The following CNTNAP2 variants were observed in gnomAD, a reference collection of about 807,000 sequenced individuals.
CNTNAP2 encodes the protein contactin-associated protein-like 2.
A neutral mutation model predicts 155.2 loss-of-function variants in CNTNAP2; 98 were observed. That is an observed-to-expected ratio of 0.63 (90% CI 0.54 to 0.75). CNTNAP2 has a LOEUF of 0.75. Ranked by LOEUF, CNTNAP2 falls within the 30% of genes least tolerant of loss-of-function variation. CNTNAP2 has a pLI of 0.00. For synonymous variants in CNTNAP2, 651 were observed against 631.2 expected (o/e 1.03, Z -0.47); for missense variants, 1,727 against 1,688.1 (o/e 1.02, Z -0.40).
intron 8 of CNTNAP2, among the ~76,000 whole-genome samples, chr7:147,151,340 A>G (rs1223630549): frequency 6.6e-6 from 1 of 152,192 alleles, no homozygotes; most frequent in Non-Finnish European, 1.5e-5. Context: ...AATGATAAAC[A>G]TGAGTATAAT....
chr7:147,562,511 G>C (rs987211644), intron 12 of CNTNAP2, among the ~76,000 whole-genome samples: 8 of 151,914 alleles, frequency 5.3e-5, no homozygotes, highest in Non-Finnish European at 1.0e-4. Context: ...GCATGTAGGG[G>C]GAAAAAAACA....
Position 147,828,483 on chromosome 7 carries a change from G to A in CNTNAP2, c.2099-75082G>A, listed in dbSNP as rs76531067. 7.2e-5 allele frequency among the ~76,000 whole-genome samples: 11 copies of A among 152,284 alleles called. No homozygotes were observed. In the East Asian group the frequency reaches 1.9e-3, roughly 27 times the overall value. On this transcript the variant is annotated intron_variant, in intron 13 of 23. Transcript: ENST00000361727. ...AATTGGGATGATTCTTAAAATCAATGGCACATCTTTTTTGGAAGTGCCACA... is the reference window on the plus strand; with the variant it reads ...AATTGGGATGATTCTTAAAATCAATAGCACATCTTTTTTGGAAGTGCCACA...
intron 15 of CNTNAP2, among the ~76,000 whole-genome samples, chr7:148,073,320 T>C (rs1376617134): frequency 2.0e-5 from 3 of 152,168 alleles, no homozygotes; most frequent in Admixed American, 6.5e-5. Context: ...TTACCTACAG[T>C]TTCATTTTCT....
At chr7:147,570,366 C>A (rs1800263792) in intron 12 of CNTNAP2, among the ~76,000 whole-genome samples, 1 of 152,142 alleles carries the variant, frequency 6.6e-6, no homozygotes, top group Non-Finnish European at 1.5e-5. Flanking sequence ...TTCCAGCAAC[C>A]TTTATTTCTA....
chr7:148,056,186 T>G (rs1472794788), intron 15 of CNTNAP2, among the ~76,000 whole-genome samples: 3 of 152,164 alleles, frequency 2.0e-5, no homozygotes, highest in Non-Finnish European at 2.9e-5. Flanking sequence ...AGAAGAGAAT[T>G]TAAACATTGT....
chr7:147,974,241 A>G (rs1268007094), intron 14 of CNTNAP2, among the ~76,000 whole-genome samples: 1 of 152,206 alleles, frequency 6.6e-6, no homozygotes, highest in Non-Finnish European at 1.5e-5. Flanking sequence ...ATATTTCCAA[A>G]CACTTGTTTT....
intron 13 of CNTNAP2, among the ~76,000 whole-genome samples, chr7:147,827,922 C>A (rs970424105): frequency 6.6e-6 from 1 of 151,914 alleles, no homozygotes; most frequent in African/African-American, 2.4e-5. Flanking sequence ...AGGAGAGAAA[C>A]CTTTAAGTTT....
At chr7:146,418,192 G>C (rs1384053861) in intron 1 of CNTNAP2, among the ~76,000 whole-genome samples, 1 of 152,132 alleles carries the variant, frequency 6.6e-6, no homozygotes, top group Admixed American at 6.6e-5. Context: ...TCAGCTAGGG[G>C]CCAAAGCCCT....
intron 12 of CNTNAP2, among the ~76,000 whole-genome samples, chr7:147,605,009 G>T (rs1160207672): frequency 6.6e-6 from 1 of 152,046 alleles, no homozygotes; most frequent in African/African-American, 2.4e-5. Context: ...AGCCCATTTT[G>T]TCTGATACTC....
intron 3 of CNTNAP2, among the ~76,000 whole-genome samples, chr7:146,956,605 A>C (rs1210119237): frequency 6.6e-6 from 1 of 152,192 alleles, no homozygotes; most frequent in Non-Finnish European, 1.5e-5. Context: ...ATCAGAAAAC[A>C]GACAGTATTA....
intron 13 of CNTNAP2, among the ~76,000 whole-genome samples, chr7:147,775,357 ATT>A (rs1370370435): frequency 1.1e-3 from 48 of 44,406 alleles, no homozygotes; most frequent in Non-Finnish European, 1.3e-3. Context: ...ATTTATATAT[ATT>A]TATAAATATA....
chr7:146,956,035 A>T (rs1345854317), intron 3 of CNTNAP2, among the ~76,000 whole-genome samples: 1 of 151,876 alleles, frequency 6.6e-6, no homozygotes, highest in Non-Finnish European at 1.5e-5. Flanking sequence ...GTCAGTTTTT[A>T]TATTCAATCC....
intron 8 of CNTNAP2, among the ~76,000 whole-genome samples, chr7:147,224,057 G>A (rs1178082363): frequency 4.3e-5 from 6 of 138,040 alleles, no homozygotes; most frequent in South Asian, 2.3e-4. Context: ...GTCAGCCAGC[G>A]CTTGTTCCCA....
At chr7:146,883,911 A>G (rs1795603654) in intron 3 of CNTNAP2, among the ~76,000 whole-genome samples, 1 of 152,124 alleles carries the variant, frequency 6.6e-6, no homozygotes, top group Non-Finnish European at 1.5e-5. Context: ...TAATCATATT[A>G]TGTTTGAAGT....
chr7:146,721,869 G>A (rs1368341961), intron 1 of CNTNAP2, among the ~76,000 whole-genome samples: 3 of 89,306 alleles, frequency 3.4e-5, no homozygotes, highest in East Asian at 2.7e-4. Flanking sequence ...ATGTGTGTGT[G>A]TGTGTGTATA....
intron 10 of CNTNAP2, among the ~76,000 whole-genome samples, chr7:147,469,024 T>G (rs1472598098): frequency 2.6e-5 from 4 of 152,080 alleles, no homozygotes; most frequent in Non-Finnish European, 5.9e-5. Context: ...GGTTTCACCA[T>G]GTTGGACAGA....
At chr7:147,069,849 A>T (rs1799855453) in intron 4 of CNTNAP2, among the ~76,000 whole-genome samples, 1 of 152,218 alleles carries the variant, frequency 6.6e-6, no homozygotes, top group Non-Finnish European at 1.5e-5. Flanking sequence ...GCTATGGAGC[A>T]TTCAAAATGT....
At chr7:147,022,049 C>T (rs1377793117) in intron 3 of CNTNAP2, among the ~76,000 whole-genome samples, 1 of 151,924 alleles carries the variant, frequency 6.6e-6, no homozygotes, top group African/African-American at 2.4e-5. Context: ...ATTCTATACT[C>T]TTTTGGCCAC....
At chr7:146,647,925 A>T (rs1045512655) in intron 1 of CNTNAP2, among the ~76,000 whole-genome samples, 1 of 152,164 alleles carries the variant, frequency 6.6e-6, no homozygotes, top group Non-Finnish European at 1.5e-5. Flanking sequence ...CCATGAATTT[A>T]TGGAGACTTA....
Sources: gnomAD v4.1 joint callset for allele counts (sites outside exome capture counted in the v4.1 genomes callset) on GRCh38, gnomAD v4.1.1 for gene constraint, MANE v1.5 for transcripts, NCBI Gene and HGNC (gene_info 2026-07-23, HGNC 2026-07-21) for gene names.